The following CHCHD6 variants were observed in gnomAD, a reference collection of about 807,000 sequenced individuals.
CHCHD6 encodes MICOS complex subunit MIC25.
In CHCHD6, 28 loss-of-function variants were observed where a neutral mutation model predicts 32.3. The ratio of observed to expected loss-of-function variants is 0.87; its 90% CI spans 0.64 to 1.19. CHCHD6 has a LOEUF of 1.19. CHCHD6 is among the 50% of genes most tolerant of loss of function. The pLI is 0.00. For missense variants in CHCHD6, 333 were observed against 307.0 expected, an observed-to-expected ratio of 1.08 and a Z score of -0.63; for synonymous variants, 122 against 117.5, an observed-to-expected ratio of 1.04 and a Z score of -0.25.
intron 5 of CHCHD6, among the ~76,000 whole-genome samples, chr3:126,900,057 T>G (rs1184350058): frequency 1.3e-5 from 2 of 152,244 alleles, no homozygotes; most frequent in East Asian, 3.8e-4. Flanking sequence ...TTGTTAATTT[T>G]TTGTGTTGAA....
chr3:126,773,602 CTTTTTTT>C (rs769256372), intron 4 of CHCHD6, among the ~76,000 whole-genome samples: 21 of 89,950 alleles, frequency 2.3e-4, no homozygotes, highest in South Asian at 8.5e-4. Context: ...TTCTGCTTTT[CTTTTTTT>C]TTTTTTTTTT....
At chr3:126,798,172 G>A (rs1405675456) in intron 4 of CHCHD6, among the ~76,000 whole-genome samples, 1 of 152,158 alleles carries the variant, frequency 6.6e-6, no homozygotes, top group African/African-American at 2.4e-5. Flanking sequence ...GGGTGACAAG[G>A]CACACGGGCC....
chr3:126,880,572 C>T (rs1311747368), intron 5 of CHCHD6, among the ~76,000 whole-genome samples: 1 of 152,066 alleles, frequency 6.6e-6, no homozygotes, highest in Non-Finnish European at 1.5e-5. Flanking sequence ...ATAGCCTTAC[C>T]ATCTGAGAGG....
chr3:126,746,850 C>T (rs1936525307), intron 4 of CHCHD6, among the ~76,000 whole-genome samples: 1 of 152,166 alleles, frequency 6.6e-6, no homozygotes, highest in Admixed American at 6.5e-5. Flanking sequence ...GTTTGCAGTG[C>T]TTCCTTAATC....
At chr3:126,902,983 G>A (rs2077951734) in intron 5 of CHCHD6, among the ~76,000 whole-genome samples, 3 of 152,174 alleles carry the variant, frequency 2.0e-5, no homozygotes, top group Non-Finnish European at 1.5e-5. Context: ...ATTAAGTCAA[G>A]AGTCGGTGGT....
At chr3:126,956,925 G>A (rs1287694139) in intron 6 of CHCHD6, 2 of 158,938 alleles carry the variant, frequency 1.3e-5, no homozygotes, top group Non-Finnish European at 2.8e-5. Flanking sequence ...AAAAAAATAA[G>A]TCACATGGTT....
At chr3:126,863,554 A>ACCT (rs1301912148) in intron 5 of CHCHD6, among the ~76,000 whole-genome samples, 5 of 87,618 alleles carry the variant, frequency 5.7e-5, no homozygotes, top group African/African-American at 1.5e-4. Flanking sequence ...CACCATCACC[A>ACCT]CCTCCTCCTC....
intron 6 of CHCHD6, among the ~76,000 whole-genome samples, chr3:126,920,841 A>C (rs548973676): frequency 6.6e-6 from 1 of 152,274 alleles, no homozygotes; most frequent in South Asian, 2.1e-4. Context: ...TTTGAGGGGG[A>C]AAGTGGGTCT....
chr3:126,960,081 G>A, intron 7 of CHCHD6, 115 bp from the exon 8 acceptor site: 1 of 1,285,342 alleles, frequency 7.8e-7, no homozygotes, highest in Non-Finnish European at 1.1e-6. Flanking sequence ...TGAGGAGGGA[G>A]ACCAACTCAC....
At chr3:126,870,635 G>T (rs781126842) in intron 5 of CHCHD6, among the ~76,000 whole-genome samples, 1 of 152,206 alleles carries the variant, frequency 6.6e-6, no homozygotes, top group East Asian at 1.9e-4. Flanking sequence ...GGCCACCTTA[G>T]TGTGCACACT....
chr3:126,862,600 A>T (rs1440756846), intron 5 of CHCHD6, among the ~76,000 whole-genome samples: 5 of 77,982 alleles, frequency 6.4e-5, no homozygotes, highest in Admixed American at 4.2e-4. Flanking sequence ...CTCTTCCTCC[A>T]CCATCACCAC....
intron 4 of CHCHD6, among the ~76,000 whole-genome samples, chr3:126,823,312 A>G (rs1366802395): frequency 6.6e-6 from 1 of 152,218 alleles, no homozygotes; most frequent in Non-Finnish European, 1.5e-5. Context: ...ATTAACATCT[A>G]TAGATCAATT....
chr3:126,820,658 A>G (rs2107536119), intron 4 of CHCHD6, among the ~76,000 whole-genome samples: 1 of 152,306 alleles, frequency 6.6e-6, no homozygotes, highest in East Asian at 1.9e-4. Flanking sequence ...ATAAGCCTTT[A>G]CTTTTATTGA....
chr3:126,721,321 G>A lies in CHCHD6; in HGVS notation c.88-5757G>A, dbSNP rs182036513. On this transcript the variant is annotated intron_variant, in intron 1 of 7. Transcript: ENST00000290913. Reference sequence around the variant, plus strand: ...AGTGAACCTATGGCGGCAGGCGCACGGTCTCTTCCTGTCTGTGCCTCTTCC... The same window carrying A: ...AGTGAACCTATGGCGGCAGGCGCACAGTCTCTTCCTGTCTGTGCCTCTTCC... Among the ~76,000 whole-genome samples the A allele has an allele frequency of 1.1e-3, 162 of 152,292 alleles. 1 individual carries two copies. The Middle Eastern group carries it at 0.014, about 13-fold the overall frequency.
chr3:126,722,208 T>C (rs1318593529), intron 1 of CHCHD6, among the ~76,000 whole-genome samples: 1 of 152,232 alleles, frequency 6.6e-6, no homozygotes, highest in South Asian at 2.1e-4. Flanking sequence ...CAGGCTGGAG[T>C]GCAGTGGCAC....
chr3:126,948,098 G>A (rs769114958), intron 6 of CHCHD6, among the ~76,000 whole-genome samples: 9 of 152,150 alleles, frequency 5.9e-5, no homozygotes, highest in Non-Finnish European at 1.2e-4. Flanking sequence ...TTGGTCCCCC[G>A]GTCATTCCTG....
intron 5 of CHCHD6, among the ~76,000 whole-genome samples, chr3:126,856,041 C>G (rs963575269): frequency 2.0e-5 from 3 of 152,216 alleles, no homozygotes; most frequent in Non-Finnish European, 2.9e-5. Context: ...TGGCCAATCT[C>G]TTGGCTTCCT....
intron 7 of CHCHD6, among the ~76,000 whole-genome samples, chr3:126,958,296 G>A (rs911928157): frequency 1.3e-5 from 2 of 152,068 alleles, no homozygotes; most frequent in Admixed American, 1.3e-4. Context: ...TCCCACCTTG[G>A]GGAGCATCAT....
intron 6 of CHCHD6, among the ~76,000 whole-genome samples, chr3:126,951,586 C>T (rs2078716412): frequency 1.3e-5 from 2 of 152,170 alleles, no homozygotes; most frequent in Admixed American, 1.3e-4. Context: ...GAGGGAGGAT[C>T]GCCTGGGTCT....
Sources: gnomAD v4.1 joint callset for allele counts (sites outside exome capture counted in the v4.1 genomes callset) on GRCh38, gnomAD v4.1.1 for gene constraint, MANE v1.5 for transcripts, NCBI Gene and HGNC (gene_info 2026-07-23, HGNC 2026-07-21) for gene names.